The following ARL2 variants were observed in gnomAD, a reference collection of about 807,000 sequenced individuals.
The protein encoded by ARL2 is ARF like GTPase 2.
ARL2 carries 11 observed loss-of-function variants against 22.0 expected under a neutral mutation model. The ratio of observed to expected loss-of-function variants is 0.50; its 90% CI spans 0.31 to 0.83. ARL2 has a LOEUF of 0.83. Among genes scored for constraint, ARL2 ranks in the 40% least tolerant of loss-of-function variants. The probability of loss-of-function intolerance (pLI) is 0.04; values close to 1 mark genes in which losing one functional copy is unlikely to be tolerated. For synonymous variants in ARL2, 111 were observed against 100.8 expected, an observed-to-expected ratio of 1.10 and a Z score of -0.61; for missense variants, 216 against 243.2, an observed-to-expected ratio of 0.89 and a Z score of 0.74.
At chr11:65,016,139 G>A (rs944216718) in intron 1 of ARL2, among the ~76,000 whole-genome samples, 6 of 151,670 alleles carry the variant, frequency 4.0e-5, no homozygotes, top group Admixed American at 1.3e-4. Flanking sequence ...CCCGGGAGGC[G>A]GAGACTGCAG....
chr11:65,018,741 G>C lies in ARL2; in HGVS notation c.339+8G>C, dbSNP rs1268443340. 1 of 1,613,728 alleles carries C rather than the reference G, an allele frequency of 6.2e-7. No homozygotes were observed. Among genetic ancestry groups the C allele is most frequent in the African/African-American group, 1.3e-5 (1 of 74,926 alleles). Reference sequence around the variant, plus strand: ...AGCCTGCTGGTGGAGGAGGTGGGCAGCTCCTACCCTTTGTGTACATGTATG... The same window carrying C: ...AGCCTGCTGGTGGAGGAGGTGGGCACCTCCTACCCTTTGTGTACATGTATG... On this transcript the variant is annotated splice_region_variant and intron_variant, in intron 3 of 4. Coordinates refer to ENST00000246747, the MANE Select transcript of ARL2 (RefSeq NM_001667.4). This position sits in a 1 kb window ranked among gnomAD's most constrained non-coding sequence, Gnocchi z 4.2.
chr11:65,019,058 C>A, intron 3 of ARL2: 1 of 808,874 alleles, frequency 1.2e-6, no homozygotes, highest in Non-Finnish European at 1.7e-6. Context: ...TGGAGCCTGG[C>A]TCAAGAGTCT....
intron 1 of ARL2, 50 bp downstream of exon 1, chr11:65,014,322 A>C: frequency 1.3e-6 from 2 of 1,481,734 alleles, no homozygotes; most frequent in Non-Finnish European, 1.8e-6. Context: ...CCAGCCGGGC[A>C]GGCGGTGCCG....
chr11:65,020,182 G>A (rs566010886), intron 3 of ARL2, among the ~76,000 whole-genome samples: 2 of 152,274 alleles, frequency 1.3e-5, no homozygotes, highest in East Asian at 1.9e-4. Flanking sequence ...TGGGGACAGC[G>A]GTGTCCCCTG....
chr11:65,021,571 C>T, intron 4 of ARL2, 150 bp from the exon 5 acceptor site: 1 of 1,017,524 alleles, frequency 9.8e-7, no homozygotes, highest in Non-Finnish European at 1.4e-6. Context: ...ACAAACTCTC[C>T]CTGGGACCGG....
At chr11:65,016,781 A>C (rs1277213513) in intron 1 of ARL2, among the ~76,000 whole-genome samples, 1 of 152,030 alleles carries the variant, frequency 6.6e-6, no homozygotes, top group Non-Finnish European at 1.5e-5. Flanking sequence ...ATGGTATTTG[A>C]AGCTGTGATC....
rs1187960023 is a variant in ARL2 at position 65,018,759 on chromosome 11, C to T, written c.339+26C>T. On this transcript the variant is annotated intron_variant, in intron 3 of 4. Coordinates refer to ENST00000246747, the MANE Select transcript of ARL2 (RefSeq NM_001667.4). The surrounding 1 kb of genome is among the most constrained non-coding windows in gnomAD (Gnocchi z 4.2). ...GTGGGCAGCTCCTACCCTTTGTGTA[C>T]ATGTATGGACGTGTGGCTGCCTTCT... The T allele has an allele frequency of 6.2e-7, 1 of 1,612,794 alleles. No homozygotes were observed. The highest frequency in any genetic ancestry group is 1.1e-5 in the South Asian group (1 of 91,020).
Position 65,021,971 on chromosome 11 carries a change from C to CCTGCTGCTG in ARL2, c.*119_*127dup. ...TAACACTCCCCCTCCTCCACCCCAG[C>CCTGCTGCTG]CTGCTGCTGCTACTGCTGCCCGCTG... On this transcript the variant is annotated 3_prime_UTR_variant, in exon 5 of 5. Coordinates refer to ENST00000246747, the MANE Select transcript of ARL2 (RefSeq NM_001667.4). 1 of 1,414,534 alleles carries CCTGCTGCTG rather than the reference C, an allele frequency of 7.1e-7. No homozygotes were observed. The allele number at this position is 1,414,534 out of a possible 1,614,324, so 87.6% of individuals were successfully genotyped here. A position where few individuals can be genotyped will look rare whatever the true frequency, so the allele number is the denominator to read the frequency against.
At chr11:65,017,059 C>T (rs1946265587) in intron 1 of ARL2, among the ~76,000 whole-genome samples, 1 of 152,064 alleles carries the variant, frequency 6.6e-6, no homozygotes, top group Admixed American at 6.6e-5. Context: ...CAGCAAAAGC[C>T]TGATGGGAGT....
intron 1 of ARL2, among the ~76,000 whole-genome samples, chr11:65,016,138 C>T (rs1353289921): frequency 2.0e-5 from 3 of 149,892 alleles, no homozygotes; most frequent in Admixed American, 6.7e-5. Context: ...ACCCGGGAGG[C>T]GGAGACTGCA....
intron 3 of ARL2, 133 bp from the exon 4 acceptor site, chr11:65,020,286 C>T: frequency 1.3e-6 from 1 of 754,396 alleles, no homozygotes; most frequent in South Asian, 1.6e-5. Flanking sequence ...CACTCCTGGG[C>T]CTCTCCCACC....
chr11:65,015,101 G>C (rs1162668544), intron 1 of ARL2, among the ~76,000 whole-genome samples: 1 of 151,672 alleles, frequency 6.6e-6, no homozygotes, highest in Non-Finnish European at 1.5e-5. Context: ...CACGGAGTCC[G>C]GCCCATGTCT....
At position 65,022,023 on chromosome 11, in the gene ARL2, G is replaced by A. The variant is rs1263291665; in HGVS notation, c.*168G>A. On this transcript the variant is annotated 3_prime_UTR_variant, in exon 5 of 5. Coordinates refer to ENST00000246747, the MANE Select transcript of ARL2 (RefSeq NM_001667.4). ...TGCTCTGTGGCCACCCGGCTCCCAT[G>A]GCGGGAGGGCTGTGCCCTGGCTGTC... The A allele has an allele frequency of 1.9e-5, 19 of 1,015,600 alleles. No homozygotes were observed. Among genetic ancestry groups the A allele is most frequent in the Non-Finnish European group, 2.5e-5 (18 of 706,692 alleles). 62.9% of individuals were successfully genotyped at this position (1,015,600 alleles called of 1,614,324 possible).
rs191972688 is a variant in ARL2, at chr11:65,019,218, C to T, written c.339+485C>T. The T allele has an allele frequency of 6.4e-3, 1,555 of 243,600 alleles. 25 individuals carry two copies. Among genetic ancestry groups the T allele is most frequent in the African/African-American group, 0.035 (1,473 of 42,686 alleles). 15.1% of individuals were successfully genotyped at this position (243,600 alleles called of 1,614,324 possible). On this transcript the variant is annotated intron_variant, in intron 3 of 4. Coordinates refer to ENST00000246747, the MANE Select transcript of ARL2 (RefSeq NM_001667.4). ...TGCCACTGCACTCCAGCCTCCTGGGCGACAGAGCAAGACCCTGTCTCAAAA... is the reference window on the plus strand; with the variant it reads ...TGCCACTGCACTCCAGCCTCCTGGGTGACAGAGCAAGACCCTGTCTCAAAA...
rs781299516 is a variant in ARL2 at position 65,018,002 on chromosome 11, CCTCT to C, written c.66-359_66-356del. ...CTCCTCCGATGGCCCTCTTGGAAAG[CCTCT>C]CTGTTGTGTTGATGGCGCTAGCCGG... On this transcript the variant is annotated intron_variant, in intron 1 of 4. Coordinates refer to ENST00000246747, the MANE Select transcript of ARL2 (RefSeq NM_001667.4). This position sits in a 1 kb window ranked among gnomAD's most constrained non-coding sequence, Gnocchi z 4.2. Among the ~76,000 whole-genome samples the C allele has an allele frequency of 2.6e-5, 4 of 152,366 alleles. No homozygotes were observed. The highest frequency in any genetic ancestry group is 5.9e-5 in the Non-Finnish European group (4 of 68,034).
Position 65,014,196 on chromosome 11 carries a change from G to C in ARL2, c.-12G>C. On this transcript the variant is annotated 5_prime_UTR_variant, in exon 1 of 5. Coordinates refer to ENST00000246747, the MANE Select transcript of ARL2 (RefSeq NM_001667.4). ...GGGAAGAAACGGCGGCCGGGAGGGG[G>C]CTCCGGGGACCATGGGGCTCCTGAC... 1 of 1,558,918 alleles carries C rather than the reference G, an allele frequency of 6.4e-7. No homozygotes were observed.
rs1946335784 is a variant in ARL2 at position 65,022,050 on chromosome 11, C to G, written c.*195C>G. 1.3e-6 allele frequency: 1 copy of G among 775,162 alleles called. No homozygotes were observed. The highest frequency in any genetic ancestry group is 2.0e-6 in the Non-Finnish European group (1 of 497,484). The allele number at this position is 775,162 out of a possible 1,614,324, so 48.0% of individuals were successfully genotyped here. ...CGGGAGGGCTGTGCCCTGGCTGTCT[C>G]TCTGGCTCCTGACCTGGCCTTTGGC... On this transcript the variant is annotated 3_prime_UTR_variant, in exon 5 of 5. Transcript: ENST00000246747.
chr11:65,020,517 G>A lies in ARL2; in HGVS notation c.420+18G>A, dbSNP rs1946315409. On this transcript the variant is annotated intron_variant, in intron 4 of 4. Transcript: ENST00000246747. Reference sequence around the variant, plus strand: ...TCCGCGAGGTGAGTCCAGGCCCCGGGACAGGCTCGCTGAGGGAAAGGGGCA... The same window carrying A: ...TCCGCGAGGTGAGTCCAGGCCCCGGAACAGGCTCGCTGAGGGAAAGGGGCA... The A allele has an allele frequency of 6.3e-7, 1 of 1,594,594 alleles. No homozygotes were observed. Among genetic ancestry groups the A allele is most frequent in the Non-Finnish European group, 8.6e-7 (1 of 1,167,862 alleles).
At position 65,018,522 on chromosome 11, in the gene ARL2, G is replaced by C. The variant is rs1946286559; in HGVS notation, c.176+48G>C. 2 of 1,601,550 alleles carry C rather than the reference G, an allele frequency of 1.2e-6. No individual in the cohort carries two copies. The highest frequency in any genetic ancestry group is 8.5e-7 in the Non-Finnish European group (1 of 1,173,852). Reference sequence around the variant, plus strand: ...GGCCAGCCCAGAGCAGGGCAGGGAAGGTGGGAGAGGGGCCCAGCTGACCCT... The same window carrying C: ...GGCCAGCCCAGAGCAGGGCAGGGAACGTGGGAGAGGGGCCCAGCTGACCCT... On this transcript the variant is annotated intron_variant, in intron 2 of 4. Coordinates refer to ENST00000246747, the MANE Select transcript of ARL2 (RefSeq NM_001667.4). The surrounding 1 kb of genome is among the most constrained non-coding windows in gnomAD (Gnocchi z 4.2).
Sources: gnomAD v4.1 joint callset for allele counts (sites outside exome capture counted in the v4.1 genomes callset) on GRCh38, gnomAD v4.1.1 for gene constraint, Gnocchi (gnomAD v3.1) non-coding constraint, MANE v1.5 for transcripts, NCBI Gene and HGNC (gene_info 2026-07-23, HGNC 2026-07-21) for gene names.